Variants in ZCRB1 observed in about 807,000 individuals in gnomAD.
ZCRB1 encodes the protein zinc finger CCHC-type and RNA-binding motif-containing protein 1.
Under a neutral mutation model 29.9 loss-of-function variants are expected in ZCRB1, and 21 were observed. The ratio of observed to expected loss-of-function variants is 0.70; its 90% confidence interval spans 0.50 to 1.01. The LOEUF (loss-of-function observed/expected upper bound fraction) is 1.01, where lower values mean the gene tolerates loss of function less well. ZCRB1 is among the 50% of genes least tolerant of loss of function. The pLI is 0.00. For synonymous variants in ZCRB1, 77 were observed against 80.0 expected, an observed-to-expected ratio of 0.96 and a Z score of 0.20; for missense variants, 204 against 253.3, an observed-to-expected ratio of 0.81 and a Z score of 1.32.
Position 42,326,031 on chromosome 12 carries a change from T to A in ZCRB1, c.-110A>T, listed in dbSNP as rs961364730. 1 of 152,242 alleles carries A rather than the reference T, an allele frequency of 6.6e-6. No individual in the cohort carries two copies. The highest frequency in any genetic ancestry group is 2.4e-5 in the African/African-American group (1 of 41,436). The allele number at this position is 152,242 out of a possible 1,614,324, so 9.4% of individuals were successfully genotyped here. A position where few individuals can be genotyped will look rare whatever the true frequency, so the allele number is the denominator to read the frequency against. On this transcript the variant is annotated 5_prime_UTR_variant, in exon 1 of 8. Coordinates refer to ENST00000266529, the MANE Select transcript of ZCRB1 (RefSeq NM_033114.4). ...CTCGCAGCGGCCTTGGCATCACGAG[T>A]CCTGGGAGGGGTCAGGCGCGGAGAG...
intron 3 of ZCRB1, among the ~76,000 whole-genome samples, chr12:42,319,669 C>T (rs944949384): frequency 9.2e-5 from 14 of 152,270 alleles, no homozygotes; most frequent in African/African-American, 2.6e-4. Flanking sequence ...ATTTCTCCTC[C>T]GTTATGCTAG....
Position 42,317,915 on chromosome 12 carries a change from A to G in ZCRB1, c.114-17T>C. 6.3e-7 allele frequency: 1 copy of G among 1,590,542 alleles called. No homozygotes were observed. The highest frequency in any genetic ancestry group is 8.6e-7 in the Non-Finnish European group (1 of 1,167,328). ...ATGGTAACCCTTAAAGCATAAACAA[A>G]GAGTTAAAAATGAGGCAGCAATAAA... is the stretch of plus-strand genomic sequence containing the variant. On this transcript the variant is annotated splice_polypyrimidine_tract_variant and intron_variant, in intron 3 of 7. Coordinates refer to ENST00000266529, the MANE Select transcript of ZCRB1 (RefSeq NM_033114.4).
rs1223990434 is a variant in ZCRB1, at chr12:42,324,155, TTTTG to T, written c.-2-55_-2-52del. 3.8e-6 allele frequency: 6 copies of T among 1,568,690 alleles called. No individual in the cohort carries two copies. In the East Asian group the frequency reaches 1.1e-4, roughly 29 times the overall value. On this transcript the variant is annotated intron_variant, in intron 1 of 7. Coordinates refer to ENST00000266529, the MANE Select transcript of ZCRB1 (RefSeq NM_033114.4). Reference sequence around the variant, plus strand: ...CAATCAGTCTAAACCAGGATTCTTTTTTTGTTGTTTGAGACGGAGTTTCCCTCTT... The same window carrying T: ...CAATCAGTCTAAACCAGGATTCTTTTTTGTTTGAGACGGAGTTTCCCTCTT...
At chr12:42,314,325 C>T (rs968031810) in intron 5 of ZCRB1, among the ~76,000 whole-genome samples, 36 of 136,338 alleles carry the variant, frequency 2.6e-4, no homozygotes, top group African/African-American at 9.8e-4. Context: ...TTTGGGAAGC[C>T]GAGGTGGGTG....
intron 3 of ZCRB1, among the ~76,000 whole-genome samples, chr12:42,321,115 T>C (rs2068619109): frequency 6.6e-6 from 1 of 152,156 alleles, no homozygotes; most frequent in South Asian, 2.1e-4. Flanking sequence ...AGGTTTCCAC[T>C]CAAAAAATAC....
intron 5 of ZCRB1, among the ~76,000 whole-genome samples, chr12:42,315,944 G>A (rs146493618): frequency 6.6e-6 from 1 of 151,972 alleles, no homozygotes; most frequent in African/African-American, 2.4e-5. Flanking sequence ...TTTTTTGTCG[G>A]GGGTATGGGG....
At chr12:42,323,985 C>T (rs527365087) in intron 2 of ZCRB1, 34 bp downstream of exon 2, 1 of 1,551,332 alleles carries the variant, frequency 6.4e-7, no homozygotes, top group East Asian at 2.2e-5. Context: ...TTATCTGTAT[C>T]TCAAATAGCA....
At chr12:42,324,215 C>G (rs1199645418) in intron 1 of ZCRB1, 111 bp from the exon 2 acceptor site, 10 of 851,774 alleles carry the variant, frequency 1.2e-5, no homozygotes. Context: ...ATGGCGTGAT[C>G]TCGGCTCACT....
At chr12:42,325,159 C>T (rs2068681605) in intron 1 of ZCRB1, among the ~76,000 whole-genome samples, 1 of 152,206 alleles carries the variant, frequency 6.6e-6, no homozygotes, top group Non-Finnish European at 1.5e-5. Flanking sequence ...ATGTATTACA[C>T]TCTTAGGAGA....
chr12:42,313,936 A>G lies in ZCRB1; in HGVS notation c.384T>C (p.Arg128=). Reference sequence around the variant, plus strand: ...TTTTTTCTTTCTTCTTTGGAGGCTCACGTTCTCCGAGCATATTTTTCGGAC... The same window carrying G: ...TTTTTTCTTTCTTCTTTGGAGGCTCGCGTTCTCCGAGCATATTTTTCGGAC... ...YACPKNMLGE[R]EPPKKKEKKK... Residue 128 remains arginine, a synonymous_variant, in exon 6 of 8, where the codon CGT becomes CGC. Coordinates refer to ENST00000266529, the MANE Select transcript of ZCRB1 (RefSeq NM_033114.4). 1 of 1,604,544 alleles carries G rather than the reference A, an allele frequency of 6.2e-7. No individual in the cohort carries two copies. The highest frequency in any genetic ancestry group is 8.5e-7 in the Non-Finnish European group (1 of 1,178,180).
At chr12:42,321,933 A>G (rs760251650) in intron 3 of ZCRB1, among the ~76,000 whole-genome samples, 13 of 152,140 alleles carry the variant, frequency 8.5e-5, no homozygotes, top group Admixed American at 1.3e-4. Flanking sequence ...CTTTCCAACG[A>G]TCTCCAAGCT....
chr12:42,322,730 C>T (rs1413408812), intron 2 of ZCRB1, among the ~76,000 whole-genome samples: 2 of 152,136 alleles, frequency 1.3e-5, no homozygotes, highest in African/African-American at 4.8e-5. Flanking sequence ...ACATACTGGA[C>T]AGCTGCTGTG....
rs1162080686 is a variant in ZCRB1, at chr12:42,324,051, G to C, written c.52C>G (p.Pro18Ala). 1 of 1,614,160 alleles carries C rather than the reference G, an allele frequency of 6.2e-7. No individual in the cohort carries two copies. The highest frequency in any genetic ancestry group is 1.7e-5 in the Admixed American group (1 of 60,022). Reference protein sequence around the residue: ...SKSTVYVSNLPFSLTNNDLYR... With the variant: ...SKSTVYVSNLAFSLTNNDLYR... The stretch of plus-strand genomic sequence containing the variant: ...AAGTCATTGTTTGTCAGGGAAAAAG[G>C]CAAGTTGGATACATACACTGTGCTC... The change falls in exon 2 of 8, where the codon CCT becomes GCT. Residue 18 changes from proline to alanine, a missense_variant. Physicochemically the swap from Pro to Ala is conservative, Grantham distance 27 (BLOSUM62 -1). Coordinates refer to ENST00000266529, the MANE Select transcript of ZCRB1 (RefSeq NM_033114.4).
intron 4 of ZCRB1, 91 bp downstream of exon 4, chr12:42,317,696 G>T: frequency 9.1e-7 from 1 of 1,096,622 alleles, no homozygotes; most frequent in Non-Finnish European, 1.4e-6. Context: ...ATATCTGCTA[G>T]ACCTGATGAT....
At chr12:42,315,199 G>A (rs1266804426) in intron 5 of ZCRB1, among the ~76,000 whole-genome samples, 2 of 152,182 alleles carry the variant, frequency 1.3e-5, no homozygotes, top group Non-Finnish European at 2.9e-5. Flanking sequence ...ATTTGACAAT[G>A]CTGGACTAGG....
Position 42,312,680 on chromosome 12 carries a change from A to G in ZCRB1, c.*387T>C, listed in dbSNP as rs1443711415. The G allele has an allele frequency of 6.6e-6, 1 of 152,514 alleles. No homozygotes were observed. Among genetic ancestry groups the G allele is most frequent in the Admixed American group, 6.5e-5 (1 of 15,294 alleles). 9.4% of individuals were successfully genotyped at this position (152,514 alleles called of 1,614,324 possible). ...AGAGCTATGTTACTTTATATTTTAT[A>G]GGTATTTATAATTTATTTTATAGGT... On this transcript the variant is annotated 3_prime_UTR_variant, in exon 8 of 8. Coordinates refer to ENST00000266529, the MANE Select transcript of ZCRB1 (RefSeq NM_033114.4).
rs777821695 is a variant in ZCRB1, at chr12:42,324,004, A to G, written c.84+15T>C. The G allele has an allele frequency of 7.5e-6, 12 of 1,605,520 alleles. No individual in the cohort carries two copies. The highest frequency in any genetic ancestry group is 5.5e-5 in the South Asian group (5 of 90,892). The stretch of plus-strand genomic sequence containing the variant: ...CTGTATCTCAAATAGCAGTCACTCG[A>G]TAAGATTTACTTACCCGGTACAAGT... On this transcript the variant is annotated intron_variant, in intron 2 of 7. Transcript: ENST00000266529.
At chr12:42,318,062 G>A (rs1252628636) in intron 3 of ZCRB1, among the ~76,000 whole-genome samples, 164 bp from the exon 4 acceptor site, 1 of 152,158 alleles carries the variant, frequency 6.6e-6, no homozygotes, top group Non-Finnish European at 1.5e-5. Flanking sequence ...GAATGGAAAT[G>A]GGAAAGGGTG....
rs2068581522 is a variant in ZCRB1, at chr12:42,313,922, T to G, written c.398A>C (p.Lys133Thr). ...NMLGEREPPK[K>T]KEKKKKKKAP... is the part of the protein sequence containing the mutation. ...TTTCTTTTTTTTCTTTTTTTCTTTC[T>G]TCTTTGGAGGCTCACGTTCTCCGAG... The change falls in exon 6 of 8, where the codon AAG becomes ACG. Residue 133 changes from lysine to threonine, a missense_variant. By Grantham distance (78) the Lys-to-Thr change is moderately conservative. Transcript: ENST00000266529. 1 of 1,605,474 alleles carries G rather than the reference T, an allele frequency of 6.2e-7. No individual in the cohort carries two copies. The highest frequency in any genetic ancestry group is 8.5e-7 in the Non-Finnish European group (1 of 1,178,336).
Sources: allele counts gnomAD v4.1 joint callset (sites outside exome capture counted in the v4.1 genomes callset), GRCh38; gene constraint gnomAD v4.1.1; transcripts MANE v1.5; gene names NCBI Gene and HGNC (gene_info 2026-07-23, HGNC 2026-07-21).